FHIT: variants seen among roughly 807,000 people sequenced by gnomAD.
FHIT encodes the protein fragile histidine triad diadenosine triphosphatase.
In FHIT, 19 loss-of-function variants were observed where a neutral mutation model predicts 17.9. The observed-to-expected ratio is 1.06, with a 90% CI of 0.74 to 1.56. FHIT has a LOEUF of 1.56. Among genes scored for constraint, FHIT ranks in the 40% most tolerant of loss-of-function variants. The pLI is 0.00. For missense variants in FHIT, 248 were observed against 189.2 expected (o/e 1.31, Z -1.82); for synonymous variants, 81 against 69.7 (o/e 1.16, Z -0.81).
intron 5 of FHIT, among the ~76,000 whole-genome samples, chr3:60,408,474 G>T (rs1701953670): frequency 6.6e-6 from 1 of 152,140 alleles, no homozygotes; most frequent in African/African-American, 2.4e-5. Context: ...GACTGTACTA[G>T]AAATGTGTGA....
intron 7 of FHIT, among the ~76,000 whole-genome samples, chr3:59,970,819 T>C (rs1278206768): frequency 1.4e-5 from 2 of 145,332 alleles, no homozygotes; most frequent in African/African-American, 5.1e-5. Flanking sequence ...TGCAAAAACC[T>C]GCACGTCCCA....
chr3:60,983,642 T>A (rs1035535947), intron 3 of FHIT, among the ~76,000 whole-genome samples: 2 of 152,088 alleles, frequency 1.3e-5, no homozygotes, highest in African/African-American at 4.8e-5. Context: ...TCTGTAACCA[T>A]GAGAGCAGCA....
chr3:60,148,260 A>G (rs1442583389), intron 5 of FHIT, among the ~76,000 whole-genome samples: 1 of 152,214 alleles, frequency 6.6e-6, no homozygotes, highest in East Asian at 1.9e-4. Flanking sequence ...CATACTATAC[A>G]TGCCATATGG....
At chr3:60,008,443 G>C (rs1700006110) in intron 7 of FHIT, among the ~76,000 whole-genome samples, 1 of 152,096 alleles carries the variant, frequency 6.6e-6, no homozygotes, top group Admixed American at 6.6e-5. Context: ...GGCCACGCTT[G>C]TTCTTTGCAA....
rs151251867 is a variant in FHIT at position 60,325,925 on chromosome 3, C to T, written c.103+210935G>A. 2.8e-4 allele frequency among the ~76,000 whole-genome samples: 43 copies of T among 152,272 alleles called. No homozygotes were observed. In the Middle Eastern group the frequency reaches 0.01, roughly 36 times the overall value. ...TCCAAATGTGTGTAATCATGACCGA[C>T]GTGATGGCAGGGATCTACTTAATTT... On this transcript the variant is annotated intron_variant, in intron 5 of 9. Coordinates refer to ENST00000492590, the MANE Select transcript of FHIT (RefSeq NM_002012.4).
chr3:60,995,318 T>A (rs1310567414), intron 3 of FHIT, among the ~76,000 whole-genome samples: 1 of 151,734 alleles, frequency 6.6e-6, no homozygotes, highest in Non-Finnish European at 1.5e-5. Flanking sequence ...AGACTCTGTC[T>A]CAAAATAATA....
chr3:60,977,226 C>T (rs1482963632), intron 3 of FHIT, among the ~76,000 whole-genome samples: 3 of 152,104 alleles, frequency 2.0e-5, no homozygotes, highest in South Asian at 2.1e-4. Flanking sequence ...TTGCTGGAAG[C>T]GGAAGCAAAT....
At chr3:60,655,185 C>A (rs2040085573) in intron 4 of FHIT, among the ~76,000 whole-genome samples, 1 of 151,870 alleles carries the variant, frequency 6.6e-6, no homozygotes. Context: ...GAAGTAAGAC[C>A]AGGAATGTTG....
At chr3:60,411,579 T>A (rs1416385708) in intron 5 of FHIT, among the ~76,000 whole-genome samples, 1 of 152,184 alleles carries the variant, frequency 6.6e-6, no homozygotes, top group Non-Finnish European at 1.5e-5. Context: ...CTGGATTGTG[T>A]CTTCTCAGCT....
intron 3 of FHIT, among the ~76,000 whole-genome samples, chr3:60,888,252 C>T (rs1444199872): frequency 6.6e-6 from 1 of 152,228 alleles, no homozygotes; most frequent in African/African-American, 2.4e-5. Context: ...TTTTCTCCAA[C>T]TCCATTCAAT....
At chr3:60,038,657 G>C (rs1056618357) in intron 5 of FHIT, among the ~76,000 whole-genome samples, 1 of 151,460 alleles carries the variant, frequency 6.6e-6, no homozygotes, top group African/African-American at 2.4e-5. Context: ...GGTGACAAAT[G>C]AAAGGGATAC....
intron 5 of FHIT, among the ~76,000 whole-genome samples, chr3:60,415,953 A>G (rs1702233717): frequency 6.7e-6 from 1 of 148,980 alleles, no homozygotes; most frequent in East Asian, 1.9e-4. Context: ...AGTGTAAAAT[A>G]TATTATATAT....
At chr3:60,647,472 G>A (rs2039887887) in intron 4 of FHIT, among the ~76,000 whole-genome samples, 1 of 152,148 alleles carries the variant, frequency 6.6e-6, no homozygotes, top group Admixed American at 6.5e-5. Flanking sequence ...CTAGAAAGAA[G>A]AAGAGACTCT....
At chr3:59,872,226 A>C (rs1702956367) in intron 8 of FHIT, among the ~76,000 whole-genome samples, 1 of 152,128 alleles carries the variant, frequency 6.6e-6, no homozygotes. Flanking sequence ...TCATTTTGGG[A>C]GTCACAGTAC....
intron 2 of FHIT, among the ~76,000 whole-genome samples, chr3:61,188,008 C>T (rs976528411): frequency 6.6e-6 from 1 of 152,128 alleles, no homozygotes; most frequent in African/African-American, 2.4e-5. Flanking sequence ...ACCCTAACAT[C>T]ACAAATTAAA....
intron 3 of FHIT, among the ~76,000 whole-genome samples, chr3:60,998,639 TA>T (rs930567123): frequency 2.0e-5 from 3 of 152,096 alleles, no homozygotes; most frequent in African/African-American, 7.2e-5. Context: ...CTAATAGAGT[TA>T]AAAGCTTGAT....
intron 8 of FHIT, among the ~76,000 whole-genome samples, chr3:59,790,202 A>G (rs1699489399): frequency 2.0e-5 from 3 of 152,224 alleles, no homozygotes; most frequent in Admixed American, 2.0e-4. Context: ...TAAAAGCAGC[A>G]TTTCCAGATT....
At chr3:61,067,803 T>A (rs2034663829) in intron 2 of FHIT, among the ~76,000 whole-genome samples, 1 of 152,200 alleles carries the variant, frequency 6.6e-6, no homozygotes, top group African/African-American at 2.4e-5. Flanking sequence ...TCTGCAGAAT[T>A]TGAACACCCC....
At chr3:59,834,768 T>C (rs1041808049) in intron 8 of FHIT, among the ~76,000 whole-genome samples, 2 of 152,204 alleles carry the variant, frequency 1.3e-5, no homozygotes, top group Non-Finnish European at 2.9e-5. Flanking sequence ...CATATGAATT[T>C]TGAAGGACAC....
Sources: allele counts gnomAD v4.1 joint callset (sites outside exome capture counted in the v4.1 genomes callset), GRCh38; gene constraint gnomAD v4.1.1; transcripts MANE v1.5; gene names NCBI Gene and HGNC (gene_info 2026-07-23, HGNC 2026-07-21).